CACNA2D3: variants seen among roughly 807,000 people sequenced by gnomAD.
The protein encoded by CACNA2D3 is voltage-dependent calcium channel subunit alpha-2/delta-3.
CACNA2D3 carries 60 observed loss-of-function variants against 160.6 expected under a neutral mutation model. The observed-to-expected ratio is 0.37, with a 90% CI of 0.30 to 0.46. The LOEUF (loss-of-function observed/expected upper bound fraction) is 0.46, where lower values mean the gene tolerates loss of function less well. Ranked by LOEUF, CACNA2D3 falls within the 20% of genes least tolerant of loss-of-function variation. The pLI is 1.00. For synonymous variants in CACNA2D3, 558 were observed against 492.9 expected, an observed-to-expected ratio of 1.13 and a Z score of -1.75; for missense variants, 1,205 against 1,365.0, an observed-to-expected ratio of 0.88 and a Z score of 1.85.
intron 5 of CACNA2D3, 87 bp from the exon 6 acceptor site, chr3:54,562,713 A>G: frequency 8.7e-7 from 1 of 1,152,018 alleles, no homozygotes; most frequent in Admixed American, 2.0e-5. Context: ...ACCTTGTGCC[A>G]GTATCTGCCA....
intron 2 of CACNA2D3, among the ~76,000 whole-genome samples, chr3:54,198,033 A>G (rs541367154): frequency 1.3e-5 from 2 of 152,326 alleles, no homozygotes; most frequent in East Asian, 3.9e-4. Flanking sequence ...AGCATGCGTG[A>G]AGTTCCAAGG....
At chr3:54,786,126 T>C (rs1193866923) in intron 13 of CACNA2D3, among the ~76,000 whole-genome samples, 2 of 152,258 alleles carry the variant, frequency 1.3e-5, no homozygotes, top group Non-Finnish European at 2.9e-5. Flanking sequence ...TATTACTCTC[T>C]CATAGAACCA....
intron 2 of CACNA2D3, among the ~76,000 whole-genome samples, chr3:54,295,857 G>T (rs1270066207): frequency 6.6e-6 from 1 of 152,180 alleles, no homozygotes; most frequent in Non-Finnish European, 1.5e-5. Flanking sequence ...TGGGAGGCAG[G>T]TTTGCCCAAT....
intron 27 of CACNA2D3, chr3:54,919,007 TA>T: frequency 1.6e-6 from 1 of 641,106 alleles, no homozygotes; most frequent in Non-Finnish European, 2.3e-6. Flanking sequence ...TTTTTTTTTT[TA>T]AATCCTGGAG....
intron 5 of CACNA2D3, among the ~76,000 whole-genome samples, chr3:54,559,711 T>C (rs1036282899): frequency 1.3e-5 from 2 of 152,190 alleles, no homozygotes; most frequent in African/African-American, 4.8e-5. Context: ...CTAGTACATA[T>C]TAGTTATTTT....
intron 27 of CACNA2D3, among the ~76,000 whole-genome samples, chr3:54,964,180 A>G (rs554344809): frequency 1.2e-4 from 18 of 152,266 alleles, no homozygotes; most frequent in African/African-American, 3.4e-4. Flanking sequence ...GAAGGATCCT[A>G]TGGGATAATA....
intron 13 of CACNA2D3, among the ~76,000 whole-genome samples, chr3:54,807,540 A>G (rs1271612975): frequency 6.6e-6 from 1 of 152,116 alleles, no homozygotes; most frequent in African/African-American, 2.4e-5. Flanking sequence ...GCAATCATTT[A>G]AAAGTCAGGA....
At chr3:54,931,267 T>A (rs952231731) in intron 27 of CACNA2D3, among the ~76,000 whole-genome samples, 14 of 152,176 alleles carry the variant, frequency 9.2e-5, no homozygotes, top group African/African-American at 3.4e-4. Context: ...AAGGGGTTTT[T>A]TTGGTTCTGT....
intron 2 of CACNA2D3, 74 bp downstream of exon 2, chr3:54,123,668 C>A (rs989982106): frequency 7.5e-6 from 9 of 1,203,664 alleles, no homozygotes; most frequent in Non-Finnish European, 1.1e-5. Context: ...GTTTTCCAAA[C>A]AAACGTGAGC....
At chr3:54,416,335 C>T (rs1192334529) in intron 4 of CACNA2D3, among the ~76,000 whole-genome samples, 2 of 152,160 alleles carry the variant, frequency 1.3e-5, no homozygotes, top group Non-Finnish European at 1.5e-5. Context: ...TGTCTCATTC[C>T]CTTCCATTTT....
intron 9 of CACNA2D3, among the ~76,000 whole-genome samples, chr3:54,596,433 C>T (rs1702955894): frequency 6.6e-6 from 1 of 152,184 alleles, no homozygotes; most frequent in South Asian, 2.1e-4. Flanking sequence ...CAATGGCAAA[C>T]TCCCTATTAG....
At chr3:54,960,568 G>T (rs1702006981) in intron 27 of CACNA2D3, among the ~76,000 whole-genome samples, 1 of 152,054 alleles carries the variant, frequency 6.6e-6, no homozygotes, top group Non-Finnish European at 1.5e-5. Context: ...AATGCATATT[G>T]CTTTGATCTA....
chr3:54,524,833 GT>G (rs1701700056), intron 5 of CACNA2D3, among the ~76,000 whole-genome samples: 1 of 151,868 alleles, frequency 6.6e-6, no homozygotes. Context: ...AACAAGAAGG[GT>G]TGCTGTTTCC....
chr3:54,418,318 GAA>G (rs909264216), intron 4 of CACNA2D3, among the ~76,000 whole-genome samples: 8 of 152,154 alleles, frequency 5.3e-5, no homozygotes, highest in African/African-American at 1.4e-4. Flanking sequence ...GTTTCACCAT[GAA>G]ATGTTTTTGT....
chr3:54,267,797 T>C (rs1327399198), intron 2 of CACNA2D3, among the ~76,000 whole-genome samples: 1 of 152,180 alleles, frequency 6.6e-6, no homozygotes, highest in East Asian at 1.9e-4. Context: ...TTCTAAGTGA[T>C]TTTTCCAGAG....
chr3:54,293,575 A>ATATATC (rs960168085), intron 2 of CACNA2D3, among the ~76,000 whole-genome samples: 1 of 151,662 alleles, frequency 6.6e-6, no homozygotes, highest in African/African-American at 2.4e-5. Context: ...ATATATATAT[A>ATATATC]TATCAATATA....
At chr3:54,336,273 C>G (rs1704376150) in intron 3 of CACNA2D3, among the ~76,000 whole-genome samples, 1 of 152,184 alleles carries the variant, frequency 6.6e-6, no homozygotes, top group Non-Finnish European at 1.5e-5. Context: ...GTGAAACAGG[C>G]TCTGCATTGC....
At chr3:54,594,100 CA>C (rs2106760668) in intron 9 of CACNA2D3, among the ~76,000 whole-genome samples, 1 of 152,244 alleles carries the variant, frequency 6.6e-6, no homozygotes, top group South Asian at 2.1e-4. Context: ...ATGATACAAA[CA>C]TTTTTCATTA....
chr3:54,440,776 G>T (rs1002184733), intron 4 of CACNA2D3, among the ~76,000 whole-genome samples: 5 of 151,984 alleles, frequency 3.3e-5, no homozygotes, highest in Admixed American at 6.5e-5. Context: ...TGAGAATGAT[G>T]GTTTCCAGCT....
Sources: allele counts gnomAD v4.1 joint callset (sites outside exome capture counted in the v4.1 genomes callset), GRCh38; gene constraint gnomAD v4.1.1; transcripts MANE v1.5; gene names NCBI Gene and HGNC (gene_info 2026-07-23, HGNC 2026-07-21).